BACH2: variants seen among roughly 807,000 people sequenced by gnomAD.
BACH2 encodes transcription regulator protein BACH2.
A neutral mutation model predicts 61.8 loss-of-function variants in BACH2; 5 were observed. The observed-to-expected ratio is 0.08, with a 90% CI of 0.04 to 0.17. BACH2 has a LOEUF of 0.17. Ranked by LOEUF, BACH2 falls within the 10% of genes least tolerant of loss-of-function variation. The probability of loss-of-function intolerance (pLI) is 1.00; values close to 1 mark genes in which losing one functional copy is unlikely to be tolerated. For synonymous variants in BACH2, 446 were observed against 440.1 expected (o/e 1.01, Z -0.17); for missense variants, 824 against 1,091.1 (o/e 0.76, Z 3.45).
chr6:90,119,573 A>T (rs998645746), intron 4 of BACH2, among the ~76,000 whole-genome samples: 3 of 152,208 alleles, frequency 2.0e-5, no homozygotes, highest in Admixed American at 6.5e-5. Context: ...TGCAGAAACA[A>T]ACTTATAAAA....
chr6:90,055,003 T>TAA (rs1306921679), intron 5 of BACH2, among the ~76,000 whole-genome samples: 9 of 151,962 alleles, frequency 5.9e-5, no homozygotes, highest in Admixed American at 4.6e-4. Flanking sequence ...CAAAGGTAGA[T>TAA]AAAACCACAA....
chr6:90,103,038 T>A (rs1341806166), intron 4 of BACH2, among the ~76,000 whole-genome samples: 7 of 130,140 alleles, frequency 5.4e-5, no homozygotes, highest in South Asian at 5.1e-4. Flanking sequence ...TATTTTTTTT[T>A]TTTTTTTTTT....
At chr6:90,062,316 C>T (rs566592881) in intron 5 of BACH2, among the ~76,000 whole-genome samples, 185 of 152,248 alleles carry the variant, frequency 1.2e-3, no homozygotes, top group African/African-American at 3.7e-3. Flanking sequence ...CATGTCACAA[C>T]GGCTAGTGGT....
chr6:90,168,924 T>A (rs1034102387), intron 4 of BACH2, among the ~76,000 whole-genome samples: 6 of 152,224 alleles, frequency 3.9e-5, no homozygotes, highest in Non-Finnish European at 8.8e-5. Context: ...AACTCGGTTT[T>A]GTAAAGATAT....
Position 90,005,656 on chromosome 6 carries a change from G to C in BACH2, c.243+2946C>G, listed in dbSNP as rs539733101. On this transcript the variant is annotated intron_variant, in intron 6 of 8. Transcript: ENST00000257749. ...ACAGGCAGGTGCCCTGAGCAGAGGG[G>C]GAGGGCTCTTCAAAGGAGGCCTCAG... Among the ~76,000 whole-genome samples, 154 of 152,296 alleles carry C rather than the reference G, an allele frequency of 1.0e-3. 1 individual carries two copies. The highest frequency in any genetic ancestry group is 3.5e-3 in the African/African-American group (147 of 41,564).
At chr6:90,126,371 A>T (rs991168904) in intron 4 of BACH2, among the ~76,000 whole-genome samples, 2 of 152,222 alleles carry the variant, frequency 1.3e-5, no homozygotes, top group South Asian at 4.1e-4. Context: ...CTACAGTGTC[A>T]ACAATGCTCT....
intron 4 of BACH2, among the ~76,000 whole-genome samples, chr6:90,202,604 T>A (rs980969926): frequency 2.6e-5 from 4 of 152,150 alleles, no homozygotes; most frequent in Admixed American, 2.6e-4. Context: ...CTCAAGAAGA[T>A]CCTTTTTCAT....
rs183043533 is a variant in BACH2, at chr6:90,193,784, C to T, written c.-162+12785G>A. Among the ~76,000 whole-genome samples the T allele has an allele frequency of 4.0e-3, 602 of 152,258 alleles. 4 individuals carry two copies. The highest frequency in any genetic ancestry group is 0.013 in the African/African-American group (547 of 41,534). ...CAGCTGTCATTACCTACTATAGGAC[C>T]TAATTAATTTAAGTGGCAAGTAATT... On this transcript the variant is annotated intron_variant, in intron 4 of 8. Coordinates refer to ENST00000257749, the MANE Select transcript of BACH2 (RefSeq NM_021813.4).
chr6:90,165,335 C>G (rs148804930), intron 4 of BACH2, among the ~76,000 whole-genome samples: 1 of 152,112 alleles, frequency 6.6e-6, no homozygotes, highest in Non-Finnish European at 1.5e-5. Context: ...ATAAAATACT[C>G]AGGAATCCAA....
At chr6:90,179,509 G>C (rs1202412121) in intron 4 of BACH2, among the ~76,000 whole-genome samples, 1 of 152,164 alleles carries the variant, frequency 6.6e-6, no homozygotes, top group Non-Finnish European at 1.5e-5. Context: ...TGTAGGTAAA[G>C]AAAGACTGTA....
chr6:90,290,271 T>G (rs1039386760), intron 1 of BACH2, among the ~76,000 whole-genome samples: 5 of 152,312 alleles, frequency 3.3e-5, no homozygotes, highest in South Asian at 4.1e-4. Context: ...ATCTGCCCAT[T>G]AGACACTCTG....
chr6:90,279,154 C>G (rs1052205728), intron 1 of BACH2, among the ~76,000 whole-genome samples: 2 of 151,908 alleles, frequency 1.3e-5, no homozygotes, highest in African/African-American at 4.8e-5. Flanking sequence ...TGATTTCAAA[C>G]CATTCTGAAA....
At chr6:90,048,985 G>C (rs183255974) in intron 5 of BACH2, among the ~76,000 whole-genome samples, 159 of 152,304 alleles carry the variant, frequency 1.0e-3, no homozygotes, top group African/African-American at 3.8e-3. Flanking sequence ...TTGTGTTAAT[G>C]TAAGCAAAAT....
intron 5 of BACH2, among the ~76,000 whole-genome samples, chr6:90,026,362 G>A (rs1562379135): frequency 6.6e-6 from 1 of 152,168 alleles, no homozygotes; most frequent in Admixed American, 6.6e-5. Flanking sequence ...ATTTTCCAAT[G>A]ATAATTACTG....
chr6:90,007,455 C>T (rs1334302620), intron 6 of BACH2, among the ~76,000 whole-genome samples: 2 of 152,176 alleles, frequency 1.3e-5, no homozygotes, highest in African/African-American at 2.4e-5. Context: ...GTGCACTCTA[C>T]TGCACCTGGC....
At chr6:90,230,289 A>C (rs1382071608) in intron 3 of BACH2, among the ~76,000 whole-genome samples, 1 of 152,244 alleles carries the variant, frequency 6.6e-6, no homozygotes, top group East Asian at 1.9e-4. Context: ...TATTGATCTC[A>C]GTGGATTATT....
At chr6:89,991,698 A>C (rs962239569) in intron 6 of BACH2, among the ~76,000 whole-genome samples, 4 of 152,132 alleles carry the variant, frequency 2.6e-5, no homozygotes, top group Non-Finnish European at 5.9e-5. Flanking sequence ...AAGTGCTCCA[A>C]GGATGTCCTT....
chr6:90,041,070 C>T (rs1371660796), intron 5 of BACH2, among the ~76,000 whole-genome samples: 1 of 152,158 alleles, frequency 6.6e-6, no homozygotes, highest in African/African-American at 2.4e-5. Flanking sequence ...CTTTCTTTCT[C>T]TTGTACTGCA....
chr6:90,219,320 C>T lies in BACH2; in HGVS notation c.-274-12639G>A, dbSNP rs148896953. Among the ~76,000 whole-genome samples, 383 of 152,286 alleles carry T rather than the reference C, an allele frequency of 2.5e-3. 3 individuals are homozygous for T. The highest frequency in any genetic ancestry group is 8.5e-3 in the African/African-American group (352 of 41,570). On this transcript the variant is annotated intron_variant, in intron 3 of 8. Transcript: ENST00000257749. ...CCCTGGCTCTGAAAGCTATTTCTCC[C>T]GACCATTAACCATATGTTTGGCTCC...
Sources: gnomAD v4.1 joint callset for allele counts (sites outside exome capture counted in the v4.1 genomes callset) on GRCh38, gnomAD v4.1.1 for gene constraint, MANE v1.5 for transcripts, NCBI Gene and HGNC (gene_info 2026-07-23, HGNC 2026-07-21) for gene names.